EPB41L4A: variants seen among roughly 807,000 people sequenced by gnomAD.
EPB41L4A encodes the protein erythrocyte membrane protein band 4.1 like 4A.
Under a neutral mutation model 108.6 loss-of-function variants are expected in EPB41L4A, and 100 were observed. The ratio of observed to expected loss-of-function variants is 0.92; its 90% CI spans 0.78 to 1.09. The LOEUF is 1.09. EPB41L4A is among the 50% of genes least tolerant of loss of function. EPB41L4A has a pLI of 0.00. For missense variants in EPB41L4A, 1,030 were observed against 842.7 expected (o/e 1.22, Z -2.75); for synonymous variants, 319 against 289.0 (o/e 1.10, Z -1.05).
intron 9 of EPB41L4A, among the ~76,000 whole-genome samples, chr5:112,256,283 T>C (rs1027507254): frequency 6.6e-6 from 1 of 152,218 alleles, no homozygotes; most frequent in African/African-American, 2.4e-5. Context: ...ACAGTAGTGA[T>C]ATTTTCATTA....
chr5:112,409,953 C>G (rs1197483524), intron 1 of EPB41L4A, among the ~76,000 whole-genome samples: 1 of 152,336 alleles, frequency 6.6e-6, no homozygotes, highest in African/African-American at 2.4e-5. Context: ...CTTCACCTCA[C>G]TGTATTCCTC....
chr5:112,305,148 C>A (rs1057145431), intron 2 of EPB41L4A, among the ~76,000 whole-genome samples: 2 of 152,160 alleles, frequency 1.3e-5, no homozygotes, highest in African/African-American at 2.4e-5. Context: ...GGTCCTAATA[C>A]GTGCTGATTA....
At chr5:112,227,655 T>C (rs1748565661) in intron 12 of EPB41L4A, among the ~76,000 whole-genome samples, 1 of 152,190 alleles carries the variant, frequency 6.6e-6, no homozygotes, top group South Asian at 2.1e-4. Flanking sequence ...TCACCTTTCC[T>C]CTGCCTTCAA....
intron 12 of EPB41L4A, among the ~76,000 whole-genome samples, chr5:112,153,900 A>T (rs1222815128): frequency 6.6e-6 from 1 of 151,822 alleles, no homozygotes. Context: ...CAAAAATATA[A>T]CTTACATTCA....
intron 12 of EPB41L4A, among the ~76,000 whole-genome samples, chr5:112,231,729 G>A (rs561396412): frequency 1.7e-3 from 236 of 142,802 alleles, no homozygotes; most frequent in African/African-American, 5.9e-3. Flanking sequence ...AGCTTGCAGT[G>A]AGCCGAGATT....
chr5:112,349,256 T>C (rs1302018359), intron 1 of EPB41L4A, among the ~76,000 whole-genome samples: 1 of 152,082 alleles, frequency 6.6e-6, no homozygotes, highest in Non-Finnish European at 1.5e-5. Flanking sequence ...CAAGAAAGTA[T>C]ACTTTTTTTT....
At chr5:112,187,484 T>G (rs531543649) in intron 17 of EPB41L4A, among the ~76,000 whole-genome samples, 51 of 152,364 alleles carry the variant, frequency 3.3e-4, no homozygotes, top group Non-Finnish European at 4.1e-4. Context: ...AACACTCTAC[T>G]TTTCCAGACT....
At chr5:112,201,943 G>T (rs1448815952) in intron 15 of EPB41L4A, among the ~76,000 whole-genome samples, 1 of 152,070 alleles carries the variant, frequency 6.6e-6, no homozygotes, top group Admixed American at 6.5e-5. Context: ...AGATGGTGAT[G>T]GTGGGCTGAA....
chr5:112,322,603 T>C (rs1026470972), intron 1 of EPB41L4A, among the ~76,000 whole-genome samples: 15 of 152,126 alleles, frequency 9.9e-5, no homozygotes, highest in African/African-American at 3.4e-4. Flanking sequence ...CAAAGGTCAC[T>C]GTGCCGGTGA....
chr5:112,343,481 A>G lies in EPB41L4A; in HGVS notation c.100-35991T>C, dbSNP rs115105262. On this transcript the variant is annotated intron_variant, in intron 1 of 22. Coordinates refer to ENST00000261486, the MANE Select transcript of EPB41L4A (RefSeq NM_022140.5). ...CTGTGAGAACTGACATAATGTATGT[A>G]AAGTACTTAGCGAGTTCCCAGCACA... Among the ~76,000 whole-genome samples, 413 of 152,296 alleles carry G rather than the reference A, an allele frequency of 2.7e-3. 2 individuals carry two copies. Among genetic ancestry groups the G allele is most frequent in the African/African-American group, 9.3e-3 (388 of 41,576 alleles).
chr5:112,168,869 C>T, intron 21 of EPB41L4A, 49 bp from the exon 22 acceptor site: 1 of 1,555,418 alleles, frequency 6.4e-7, no homozygotes, highest in East Asian at 2.2e-5. Flanking sequence ...TATCTAGAAT[C>T]ATAAATTAAG....
At chr5:112,306,598 T>A (rs934271707) in intron 2 of EPB41L4A, among the ~76,000 whole-genome samples, 2 of 152,062 alleles carry the variant, frequency 1.3e-5, no homozygotes, top group African/African-American at 4.8e-5. Flanking sequence ...AGCAGTTGAG[T>A]AGGATGAAAA....
At chr5:112,296,981 A>G (rs1754027692) in intron 2 of EPB41L4A, among the ~76,000 whole-genome samples, 1 of 130,290 alleles carries the variant, frequency 7.7e-6, no homozygotes, top group Admixed American at 7.5e-5. Context: ...ACATACATAT[A>G]TACATACATA....
intron 15 of EPB41L4A, among the ~76,000 whole-genome samples, chr5:112,203,093 G>A (rs551224294): frequency 5.9e-5 from 9 of 152,246 alleles, no homozygotes; most frequent in East Asian, 1.9e-4. Context: ...GAGGCCGGGC[G>A]CGGTGACTCA....
At chr5:112,203,961 CCCA>C (rs1762342195) in intron 15 of EPB41L4A, among the ~76,000 whole-genome samples, 1 of 151,868 alleles carries the variant, frequency 6.6e-6, no homozygotes, top group African/African-American at 2.4e-5. Flanking sequence ...ATCGCCTGAA[CCCA>C]GGAGGCGGAG....
chr5:112,315,072 A>G (rs977315142), intron 1 of EPB41L4A, among the ~76,000 whole-genome samples: 6 of 152,138 alleles, frequency 3.9e-5, no homozygotes, highest in African/African-American at 1.4e-4. Context: ...AATGCTTCCC[A>G]TTTCAGGTTT....
chr5:112,314,672 G>C (rs1755314014), intron 1 of EPB41L4A, among the ~76,000 whole-genome samples: 1 of 152,002 alleles, frequency 6.6e-6, no homozygotes, highest in African/African-American at 2.4e-5. Context: ...GCTGGGCATA[G>C]TGGCACGCGC....
chr5:112,344,926 GACAA>G (rs1757543524), intron 1 of EPB41L4A, among the ~76,000 whole-genome samples: 1 of 152,218 alleles, frequency 6.6e-6, no homozygotes, highest in African/African-American at 2.4e-5. Context: ...AAGCCACTGT[GACAA>G]ACAACTATAA....
chr5:112,226,639 C>CT (rs1341262494), intron 12 of EPB41L4A, among the ~76,000 whole-genome samples: 1 of 151,648 alleles, frequency 6.6e-6, no homozygotes, highest in Non-Finnish European at 1.5e-5. Flanking sequence ...CCCAAGAGGG[C>CT]TGGAGAGCAG....
Sources: allele counts gnomAD v4.1 joint callset (sites outside exome capture counted in the v4.1 genomes callset), GRCh38; gene constraint gnomAD v4.1.1; transcripts MANE v1.5; gene names NCBI Gene and HGNC (gene_info 2026-07-23, HGNC 2026-07-21).